The following TET2 variants were observed in gnomAD, a reference collection of about 807,000 sequenced individuals.
TET2 encodes methylcytosine dioxygenase TET2.
TET2 carries 299 observed loss-of-function variants against 142.9 expected under a neutral mutation model. The observed-to-expected ratio is 2.09, with a 90% confidence interval of 1.90 to 2.30. The LOEUF is 2.30. Among genes scored for constraint, TET2 ranks in the 30% most tolerant of loss-of-function variants. TET2 has a pLI of 0.00. For missense variants in TET2, 2,418 were observed against 2,378.0 expected (o/e 1.02, Z -0.35); for synonymous variants, 819 against 849.0 (o/e 0.96, Z 0.61).
chr4:105,198,622 G>T (rs1578602995), intron 2 of TET2, among the ~76,000 whole-genome samples: 1 of 152,130 alleles, frequency 6.6e-6, no homozygotes, highest in East Asian at 1.9e-4. Context: ...AAATTTATGA[G>T]AATCAGAATG....
chr4:105,197,384 A>C (rs751542905), intron 2 of TET2, among the ~76,000 whole-genome samples: 11 of 152,240 alleles, frequency 7.2e-5, no homozygotes, highest in Non-Finnish European at 1.6e-4. Context: ...TATTTTGAAA[A>C]TTATGAGAAG....
At chr4:105,242,253 T>C in intron 4 of TET2, 1 of 1,087,920 alleles carries the variant, frequency 9.2e-7, no homozygotes, top group Non-Finnish European at 1.1e-6. Flanking sequence ...AATAGTGAAT[T>C]TCCCTAAGTG....
intron 10 of TET2, among the ~76,000 whole-genome samples, chr4:105,274,700 A>AAG (rs1382418415): frequency 6.6e-6 from 1 of 152,180 alleles, no homozygotes; most frequent in Non-Finnish European, 1.5e-5. Flanking sequence ...CGGTCCCTTG[A>AAG]GGAAGGGATG....
At chr4:105,238,012 C>T (rs1389768112) in intron 3 of TET2, 1 of 742,252 alleles carries the variant, frequency 1.3e-6, no homozygotes, top group Non-Finnish European at 1.7e-6. Context: ...GGTTTGGCTC[C>T]ATACCACAAT....
intron 1 of TET2, among the ~76,000 whole-genome samples, chr4:105,188,875 A>G (rs72955158): frequency 0.014 from 2,132 of 152,184 alleles, 50 homozygotes; most frequent in African/African-American, 0.049. Context: ...ACTGGCTCCT[A>G]ATGGGTACTG....
rs774586356 is a variant in TET2, at chr4:105,234,903, C to T, written c.961C>T (p.Gln321Ter). Residue 321 changes from glutamine (Q) to a stop codon, truncating the protein, a stop_gained, in exon 3 of 11, where the codon CAA becomes TAA. Coordinates refer to ENST00000380013, the MANE Select transcript of TET2 (RefSeq NM_001127208.3). LOFTEE classifies it high-confidence loss of function. ...LNTCSFQKPEQLQQQKSVFEI... is the reference protein window; with the variant it reads ...LNTCSFQKPE ...TACCTGTTCCTTTCAGAAACCAGAA[C>T]AACTACAACAACAAAAATCAGTTTT... 1.2e-6 allele frequency: 2 copies of T among 1,614,064 alleles called. No homozygotes were observed. Among genetic ancestry groups the T allele is most frequent in the Non-Finnish European group, 1.7e-6 (2 of 1,179,996 alleles).
chr4:105,226,725 G>A (rs1038163439), intron 2 of TET2, among the ~76,000 whole-genome samples: 3 of 151,654 alleles, frequency 2.0e-5, no homozygotes, highest in Admixed American at 2.0e-4. Flanking sequence ...ATGATTATAA[G>A]TTTTGTAAGG....
chr4:105,192,820 A>G (rs1011812026), intron 2 of TET2, among the ~76,000 whole-genome samples: 1 of 152,174 alleles, frequency 6.6e-6, no homozygotes, highest in Non-Finnish European at 1.5e-5. Context: ...GAAAAAGGAA[A>G]TTGAGTGGCA....
At chr4:105,195,781 T>C (rs1560742700) in intron 2 of TET2, among the ~76,000 whole-genome samples, 1 of 152,152 alleles carries the variant, frequency 6.6e-6, no homozygotes, top group Non-Finnish European at 1.5e-5. Context: ...TGAATACCCA[T>C]GGGGGGCTGA....
At chr4:105,156,542 A>G (rs1168687919) in intron 1 of TET2, among the ~76,000 whole-genome samples, 2 of 152,188 alleles carry the variant, frequency 1.3e-5, no homozygotes. Flanking sequence ...TTCTTGATGC[A>G]GTGTTAAATC....
In TET2 at chr4:105,276,349, A is replaced by C; in HGVS notation, c.5839A>C (p.Lys1947Gln). ...CTATGTGCCTCAGAAATCCCATGGC[A>C]AAAAAGTGAAACGGGAGCCTGCTGA... The part of the protein sequence containing the change: ...PDYVPQKSHG[K>Q]KVKREPAEPH... The change falls in exon 11 of 11, where the codon AAA becomes CAA. Residue 1947 changes from lysine (K) to glutamine (Q), a missense_variant. Physicochemically the swap from Lys to Gln is moderately conservative, Grantham distance 53 (BLOSUM62 1). Coordinates refer to ENST00000380013, the MANE Select transcript of TET2 (RefSeq NM_001127208.3). The C allele has an allele frequency of 6.4e-7, 1 of 1,551,856 alleles. No individual in the cohort carries two copies. The highest frequency in any genetic ancestry group is 8.7e-7 in the Non-Finnish European group (1 of 1,147,016).
At chr4:105,200,250 G>A (rs539613829) in intron 2 of TET2, among the ~76,000 whole-genome samples, 1 of 152,122 alleles carries the variant, frequency 6.6e-6, no homozygotes, top group African/African-American at 2.4e-5. Flanking sequence ...GGTGTGAGAT[G>A]GTATCTCATT....
chr4:105,209,049 G>GTACATATA (rs1553949669), intron 2 of TET2, among the ~76,000 whole-genome samples: 1 of 44,316 alleles, frequency 2.3e-5, no homozygotes, highest in Non-Finnish European at 8.2e-5. Flanking sequence ...TCAAGGCATG[G>GTACATATA]TATATATATA....
rs2110300226 is a variant in TET2, at chr4:105,269,608, A to G, written c.4045-2A>G. On this transcript the variant is annotated splice_acceptor_variant, in intron 8 of 10. Transcript: ENST00000380013. LOFTEE classifies it high-confidence loss of function. ...GCATTCACACACACTTTTATTTTTC[A>G]GATTGAATATGAACACAGAGCACCA... The G allele has an allele frequency of 1.3e-6, 2 of 1,551,330 alleles. No individual in the cohort carries two copies. The highest frequency in any genetic ancestry group is 1.7e-6 in the Non-Finnish European group (2 of 1,146,754).
chr4:105,246,589 T>C (rs1560555450), intron 6 of TET2, among the ~76,000 whole-genome samples: 1 of 152,264 alleles, frequency 6.6e-6, no homozygotes, highest in Non-Finnish European at 1.5e-5. Flanking sequence ...AATAGACACG[T>C]ATCCAATGTC....
chr4:105,176,493 G>C (rs1008033956), intron 1 of TET2, among the ~76,000 whole-genome samples: 6 of 152,042 alleles, frequency 3.9e-5, no homozygotes, highest in African/African-American at 1.2e-4. Flanking sequence ...CTGTATACCA[G>C]CAATAAACAA....
At chr4:105,202,868 A>G (rs1726562615) in intron 2 of TET2, among the ~76,000 whole-genome samples, 1 of 152,242 alleles carries the variant, frequency 6.6e-6, no homozygotes, top group Non-Finnish European at 1.5e-5. Flanking sequence ...GAAAACATGA[A>G]ATGGCTGTTA....
intron 2 of TET2, chr4:105,202,576 C>T (rs751537961): frequency 2.6e-5 from 4 of 152,132 alleles, no homozygotes; most frequent in Admixed American, 2.6e-4. Context: ...ACTCATTGCT[C>T]TTGAATACAT....
chr4:105,161,598 C>T (rs1321608507), intron 1 of TET2, among the ~76,000 whole-genome samples: 1 of 152,158 alleles, frequency 6.6e-6, no homozygotes, highest in Non-Finnish European at 1.5e-5. Context: ...TATTTTCCCT[C>T]TTTCTCGGAC....
Sources: allele counts gnomAD v4.1 joint callset (sites outside exome capture counted in the v4.1 genomes callset), GRCh38; gene constraint gnomAD v4.1.1; transcripts MANE v1.5; gene names NCBI Gene and HGNC (gene_info 2026-07-23, HGNC 2026-07-21).